Variants in RALGAPA2 observed in about 807,000 individuals in gnomAD.
RALGAPA2 encodes ral GTPase-activating protein subunit alpha-2.
A neutral mutation model predicts 230.4 loss-of-function variants in RALGAPA2; 139 were observed. That is an observed-to-expected ratio of 0.60 (90% confidence interval 0.53 to 0.69). The LOEUF (loss-of-function observed/expected upper bound fraction) is 0.69, where lower values mean the gene tolerates loss of function less well. Ranked by LOEUF, RALGAPA2 falls within the 30% of genes least tolerant of loss-of-function variation. The probability of loss-of-function intolerance (pLI) is 0.00; values close to 1 mark genes in which losing one functional copy is unlikely to be tolerated. For missense variants in RALGAPA2, 2,163 were observed against 2,276.0 expected (o/e 0.95, Z 1.01); for synonymous variants, 847 against 837.8 (o/e 1.01, Z -0.19).
intron 20 of RALGAPA2, among the ~76,000 whole-genome samples, chr20:20,576,278 C>T (rs991429496): frequency 3.9e-5 from 6 of 151,996 alleles, no homozygotes; most frequent in Non-Finnish European, 7.4e-5. Flanking sequence ...ATTGAGATTT[C>T]CTTAGTTTTT....
At chr20:20,538,505 G>A (rs181957985) in intron 24 of RALGAPA2, among the ~76,000 whole-genome samples, 25 of 152,326 alleles carry the variant, frequency 1.6e-4, no homozygotes, top group Non-Finnish European at 3.5e-4. Context: ...GGAAAAAGAC[G>A]TTGCAGAGAC....
intron 30 of RALGAPA2, among the ~76,000 whole-genome samples, chr20:20,522,469 C>CTGGTTTAGTCTTGGGAGAG (rs1468766758): frequency 6.6e-6 from 1 of 152,166 alleles, no homozygotes; most frequent in East Asian, 1.9e-4. Flanking sequence ...AGAGGATATA[C>CTGGTTTAGTCTTGGGAGAG]TGTATGACTC....
In RALGAPA2 at chr20:20,512,840, G is replaced by A; in HGVS notation, c.4529C>T (p.Ser1510Phe). The A allele has an allele frequency of 6.2e-7, 1 of 1,613,256 alleles. No homozygotes were observed. Among genetic ancestry groups the A allele is most frequent in the East Asian group, 2.2e-5 (1 of 44,888 alleles). The change falls in exon 32 of 40, where the codon TCT (serine) becomes TTT (phenylalanine). Residue 1510 changes from serine to phenylalanine, a missense_variant. Coordinates refer to ENST00000202677, the MANE Select transcript of RALGAPA2 (RefSeq NM_020343.4). ...HRDTFGPQKD[S>F]SQVEEGDDVL... ...ATCATCCCCCTCCTCAACTTGAGAA[G>A]AGTCTTTCTGAGGTCCAAATGTGTC...
chr20:20,498,038 C>T (rs2062262571), intron 35 of RALGAPA2, among the ~76,000 whole-genome samples: 1 of 152,216 alleles, frequency 6.6e-6, no homozygotes, highest in Non-Finnish European at 1.5e-5. Context: ...TCTGGGCAAA[C>T]TGTCAACCAT....
chr20:20,416,940 T>C (rs1195110286), intron 37 of RALGAPA2, among the ~76,000 whole-genome samples: 1 of 152,224 alleles, frequency 6.6e-6, no homozygotes, highest in Non-Finnish European at 1.5e-5. Flanking sequence ...GTGTGTGTGC[T>C]GTAACAGTTT....
At chr20:20,406,834 C>T (rs547672928) in intron 38 of RALGAPA2, among the ~76,000 whole-genome samples, 1 of 152,176 alleles carries the variant, frequency 6.6e-6, no homozygotes, top group Non-Finnish European at 1.5e-5. Context: ...ATTGCTCGAG[C>T]CTGGGACGGG....
intron 20 of RALGAPA2, among the ~76,000 whole-genome samples, chr20:20,581,688 TTTAGTC>T (rs2064988352): frequency 6.6e-6 from 1 of 152,200 alleles, no homozygotes; most frequent in African/African-American, 2.4e-5. Context: ...AAAATCATTA[TTTAGTC>T]TATAAAGAAT....
At chr20:20,578,397 C>G (rs1226348218) in intron 20 of RALGAPA2, among the ~76,000 whole-genome samples, 1 of 152,048 alleles carries the variant, frequency 6.6e-6, no homozygotes, top group Non-Finnish European at 1.5e-5. Flanking sequence ...GTATGCTAGC[C>G]TGCTATCTTT....
intron 20 of RALGAPA2, among the ~76,000 whole-genome samples, chr20:20,576,246 A>G (rs1004317939): frequency 1.3e-5 from 2 of 152,134 alleles, no homozygotes; most frequent in African/African-American, 4.8e-5. Flanking sequence ...ATACTAAAAG[A>G]TTATTATAAA....
At chr20:20,529,689 C>T (rs6112926) in intron 27 of RALGAPA2, among the ~76,000 whole-genome samples, 1 of 152,112 alleles carries the variant, frequency 6.6e-6, no homozygotes, top group Non-Finnish European at 1.5e-5. Flanking sequence ...GGTTTATAAC[C>T]TCAGAGCAAC....
At chr20:20,404,036 C>A (rs1024377323) in intron 38 of RALGAPA2, among the ~76,000 whole-genome samples, 2 of 152,178 alleles carry the variant, frequency 1.3e-5, no homozygotes, top group Non-Finnish European at 2.9e-5. Context: ...TGCGTGGGGG[C>A]ACAGGTAGGT....
chr20:20,630,296 T>A (rs1194872848), intron 9 of RALGAPA2, among the ~76,000 whole-genome samples: 1 of 152,246 alleles, frequency 6.6e-6, no homozygotes, highest in African/African-American at 2.4e-5. Context: ...ATAATTTTGC[T>A]TCACCTTTGC....
chr20:20,592,079 G>C (rs1351316612), intron 16 of RALGAPA2, among the ~76,000 whole-genome samples: 1 of 152,146 alleles, frequency 6.6e-6, no homozygotes, highest in Non-Finnish European at 1.5e-5. Context: ...TCTTTCTAGA[G>C]TCACAGCTTC....
intron 35 of RALGAPA2, among the ~76,000 whole-genome samples, chr20:20,500,305 G>A (rs1176406594): frequency 1.3e-5 from 2 of 152,210 alleles, no homozygotes; most frequent in Non-Finnish European, 2.9e-5. Context: ...TTTGCCCACA[G>A]TAGAACTTCT....
rs984318125 is a variant in RALGAPA2 at position 20,637,280 on chromosome 20, T to G, written c.805+83A>C. On this transcript the variant is annotated intron_variant, in intron 8 of 39. Transcript: ENST00000202677. ...ACAAAAATAAAATGACTATTTTACT[T>G]TAAAATAATCAAAGGTCACTTTGAA... 2.0e-5 allele frequency: 23 copies of G among 1,144,036 alleles called. No homozygotes were observed. The African/African-American group carries it at 2.7e-4, about 13-fold the overall frequency. The allele number at this position is 1,144,036 out of a possible 1,614,324, so 70.9% of individuals were successfully genotyped here. A position where few individuals can be genotyped will look rare whatever the true frequency, so the allele number is the denominator to read the frequency against.
chr20:20,391,664 A>C lies in RALGAPA2; in HGVS notation c.*1625T>G, dbSNP rs1239546108. On this transcript the variant is annotated 3_prime_UTR_variant, in exon 40 of 40. Transcript: ENST00000202677. ...AACCAGCTCCATGGCAAATGGAAAA[A>C]ACTGGCTCCTCAGTGAAAATGGCCG... 6.6e-6 allele frequency: 1 copy of C among 152,260 alleles called. No individual in the cohort carries two copies. Among genetic ancestry groups the C allele is most frequent in the Non-Finnish European group, 1.5e-5 (1 of 68,096 alleles). The allele number at this position is 152,260 out of a possible 1,614,324, so 9.4% of individuals were successfully genotyped here. A position where few individuals can be genotyped will look rare whatever the true frequency, so the allele number is the denominator to read the frequency against.
intron 7 of RALGAPA2, among the ~76,000 whole-genome samples, chr20:20,638,425 A>G (rs1306519890): frequency 6.6e-6 from 1 of 152,214 alleles, no homozygotes. Context: ...ACCTGCCAAA[A>G]GCTGTGCTCT....
At chr20:20,457,867 G>A (rs1322118330) in intron 37 of RALGAPA2, among the ~76,000 whole-genome samples, 1 of 152,238 alleles carries the variant, frequency 6.6e-6, no homozygotes, top group Admixed American at 6.5e-5. Context: ...CTCGCATAGG[G>A]AGACAGTGAA....
At chr20:20,487,930 G>T (rs1216859329) in intron 36 of RALGAPA2, among the ~76,000 whole-genome samples, 1 of 147,792 alleles carries the variant, frequency 6.8e-6, no homozygotes, top group Non-Finnish European at 1.5e-5. Flanking sequence ...AAAAAAAAAA[G>T]TTTTTCTTGA....
Sources: allele counts gnomAD v4.1 joint callset (sites outside exome capture counted in the v4.1 genomes callset), GRCh38; gene constraint gnomAD v4.1.1; transcripts MANE v1.5; gene names NCBI Gene and HGNC (gene_info 2026-07-23, HGNC 2026-07-21).